The following PRKG1 variants were observed in gnomAD, a reference collection of about 807,000 sequenced individuals.
PRKG1 encodes protein kinase cGMP-dependent 1.
PRKG1 carries 35 observed loss-of-function variants against 88.1 expected under a neutral mutation model. The ratio of observed to expected loss-of-function variants is 0.40; its 90% CI spans 0.30 to 0.53. The LOEUF (loss-of-function observed/expected upper bound fraction) is 0.53. Ranked by LOEUF, PRKG1 falls within the 20% of genes least tolerant of loss-of-function variation. The pLI, the probability that PRKG1 is intolerant of heterozygous loss-of-function variation, is 0.59. For synonymous variants in PRKG1, 303 were observed against 292.5 expected, an observed-to-expected ratio of 1.04 and a Z score of -0.37; for missense variants, 540 against 839.8, an observed-to-expected ratio of 0.64 and a Z score of 4.41.
At chr10:51,284,064 A>C (rs1049236642) in intron 2 of PRKG1, among the ~76,000 whole-genome samples, 1 of 152,248 alleles carries the variant, frequency 6.6e-6, no homozygotes, top group African/African-American at 2.4e-5. Context: ...GTGATGCTGG[A>C]CTATAATATG....
intron 2 of PRKG1, among the ~76,000 whole-genome samples, chr10:51,241,865 A>T (rs1839161622): frequency 6.6e-6 from 1 of 152,120 alleles, no homozygotes; most frequent in Admixed American, 6.6e-5. Context: ...AGTAGTCCAA[A>T]GCCAATTTCA....
At chr10:51,353,184 T>A (rs1421390525) in intron 2 of PRKG1, among the ~76,000 whole-genome samples, 1 of 152,116 alleles carries the variant, frequency 6.6e-6, no homozygotes, top group Non-Finnish European at 1.5e-5. Context: ...CCTCAAACTG[T>A]GAAACTACCA....
chr10:51,812,024 G>A (rs893277709), intron 4 of PRKG1, among the ~76,000 whole-genome samples: 7 of 152,286 alleles, frequency 4.6e-5, no homozygotes, highest in East Asian at 1.9e-4. Context: ...TTAAATCCTG[G>A]TTTCACCATT....
chr10:52,024,127 AAAT>A lies in PRKG1; in HGVS notation c.763-30354_763-30352del, dbSNP rs538590463. Among the ~76,000 whole-genome samples the A allele has an allele frequency of 1.2e-3, 190 of 152,194 alleles. 1 individual carries two copies. Among genetic ancestry groups the A allele is most frequent in the African/African-American group, 4.5e-3 (185 of 41,538 alleles). ...AAGGGATCCAAACCACTGCTCAAGG[AAAT>A]AAGAGAGGATACAAACAAATGGAAA... On this transcript the variant is annotated intron_variant, in intron 5 of 17. Transcript: ENST00000373980.
chr10:51,820,634 A>T (rs1393151371), intron 4 of PRKG1, among the ~76,000 whole-genome samples: 4 of 152,166 alleles, frequency 2.6e-5, no homozygotes, highest in African/African-American at 4.8e-5. Context: ...TAATCTGGTT[A>T]TTCTTAGGCA....
chr10:52,179,828 A>G (rs1418872615), intron 9 of PRKG1, among the ~76,000 whole-genome samples: 3 of 152,148 alleles, frequency 2.0e-5, no homozygotes, highest in African/African-American at 7.2e-5. Flanking sequence ...AGCTGGGATT[A>G]CAGGCACTGC....
intron 9 of PRKG1, among the ~76,000 whole-genome samples, chr10:52,177,749 C>A (rs1838902998): frequency 6.6e-6 from 1 of 151,892 alleles, no homozygotes; most frequent in African/African-American, 2.4e-5. Flanking sequence ...AGGAATTTAT[C>A]CATTTTCTCT....
chr10:52,054,290 A>G (rs1391333596), intron 5 of PRKG1, among the ~76,000 whole-genome samples, 194 bp from the exon 6 acceptor site: 1 of 152,200 alleles, frequency 6.6e-6, no homozygotes, highest in African/African-American at 2.4e-5. Context: ...AAAGAAAATG[A>G]GCATTATAGA....
At chr10:52,204,671 A>T (rs1335741728) in intron 9 of PRKG1, among the ~76,000 whole-genome samples, 1 of 152,116 alleles carries the variant, frequency 6.6e-6, no homozygotes, top group Admixed American at 6.5e-5. Context: ...TAATCTCTTA[A>T]TCCCATCATC....
chr10:51,752,213 T>C (rs910744220), intron 3 of PRKG1, among the ~76,000 whole-genome samples: 1 of 152,162 alleles, frequency 6.6e-6, no homozygotes, highest in African/African-American at 2.4e-5. Context: ...CATTATGCCT[T>C]TTAGTACTTG....
At chr10:51,055,475 T>C (rs1843615370) in intron 1 of PRKG1, among the ~76,000 whole-genome samples, 1 of 152,104 alleles carries the variant, frequency 6.6e-6, no homozygotes, top group South Asian at 2.1e-4. Context: ...CAGGGTCAAA[T>C]AGACAGGTCA....
At chr10:52,199,482 GA>G (rs1348681751) in intron 9 of PRKG1, among the ~76,000 whole-genome samples, 1 of 152,098 alleles carries the variant, frequency 6.6e-6, no homozygotes, top group Non-Finnish European at 1.5e-5. Flanking sequence ...ATTACCCATG[GA>G]ATAACTGTGT....
In PRKG1 at chr10:51,308,542, T is replaced by C. The variant is rs985791484; in HGVS notation, c.478+155212T>C. On this transcript the variant is annotated intron_variant, in intron 2 of 17. Transcript: ENST00000373980. ...CTCATCTCTTGATTTCAGAGGTTTG[T>C]TGCCTTTTTCCTGAGCAAGGTAATA... Among the ~76,000 whole-genome samples the C allele has an allele frequency of 2.6e-4, 39 of 152,188 alleles. 1 individual carries two copies. Among genetic ancestry groups the C allele is most frequent in the Admixed American group, 2.3e-3 (35 of 15,270 alleles).
intron 3 of PRKG1, among the ~76,000 whole-genome samples, chr10:51,775,817 T>C (rs541564327): frequency 6.6e-6 from 1 of 152,000 alleles, no homozygotes; most frequent in African/African-American, 2.4e-5. Context: ...CTCCTGACCT[T>C]AAGAGATTTG....
chr10:52,171,382 C>A (rs1288708334), intron 9 of PRKG1, among the ~76,000 whole-genome samples: 1 of 152,106 alleles, frequency 6.6e-6, no homozygotes, highest in African/African-American at 2.4e-5. Flanking sequence ...AGCCCTCAAA[C>A]CAGAATTAGA....
chr10:52,001,794 TTTA>T (rs1844606938), intron 5 of PRKG1, among the ~76,000 whole-genome samples: 1 of 152,192 alleles, frequency 6.6e-6, no homozygotes, highest in Non-Finnish European at 1.5e-5. Context: ...TGAACTCCTG[TTTA>T]TTATTAAGAT....
At chr10:51,971,080 AAAG>A (rs1487112199) in intron 5 of PRKG1, among the ~76,000 whole-genome samples, 1 of 148,526 alleles carries the variant, frequency 6.7e-6, no homozygotes, top group Non-Finnish European at 1.5e-5. Flanking sequence ...ATTCTAAACA[AAAG>A]AAGAACAGAG....
At chr10:51,261,423 A>C (rs1013955396) in intron 2 of PRKG1, among the ~76,000 whole-genome samples, 1 of 152,196 alleles carries the variant, frequency 6.6e-6, no homozygotes, top group Non-Finnish European at 1.5e-5. Context: ...CTTTTCCAAA[A>C]ATGAACCCAA....
At chr10:51,353,489 G>C in intron 2 of PRKG1, among the ~76,000 whole-genome samples, 1 of 133,258 alleles carries the variant, frequency 7.5e-6, no homozygotes, top group East Asian at 1.9e-4. Flanking sequence ...ATGGGCAAAA[G>C]ATCTGAATAG....
Sources: allele counts gnomAD v4.1 joint callset (sites outside exome capture counted in the v4.1 genomes callset), GRCh38; gene constraint gnomAD v4.1.1; transcripts MANE v1.5; gene names NCBI Gene and HGNC (gene_info 2026-07-23, HGNC 2026-07-21).